The following TMTC1 variants were observed in gnomAD, a reference collection of about 807,000 sequenced individuals.
TMTC1 encodes the protein protein O-mannosyl-transferase TMTC1.
TMTC1 carries 73 observed loss-of-function variants against 104.8 expected under a neutral mutation model. That is an observed-to-expected ratio of 0.70 (90% confidence interval 0.58 to 0.85). The LOEUF is 0.85. Among genes scored for constraint, TMTC1 ranks in the 40% least tolerant of loss-of-function variants. The pLI is 0.00. For synonymous variants in TMTC1, 434 were observed against 428.7 expected (o/e 1.01, Z -0.15); for missense variants, 1,035 against 1,096.1 (o/e 0.94, Z 0.79).
intron 11 of TMTC1, chr12:29,535,289 A>G (rs1944612018): frequency 6.6e-6 from 1 of 152,228 alleles, no homozygotes; most frequent in African/African-American, 2.4e-5. Context: ...CATGCGTTAA[A>G]ATCATCCAAC....
intron 11 of TMTC1, among the ~76,000 whole-genome samples, chr12:29,527,305 C>T (rs951939430): frequency 3.3e-5 from 5 of 152,226 alleles, no homozygotes; most frequent in African/African-American, 1.2e-4. Context: ...TTAAACTTAA[C>T]ACCATGCATG....
At chr12:29,762,384 T>C (rs7976040) in intron 2 of TMTC1, among the ~76,000 whole-genome samples, 3 of 152,296 alleles carry the variant, frequency 2.0e-5, no homozygotes, top group Non-Finnish European at 4.4e-5. Context: ...CTTTCTTTTT[T>C]CTTTTTTTCA....
chr12:29,570,881 ACCC>A lies in TMTC1; in HGVS notation c.1532+1221_1532+1223del, dbSNP rs71045818. ...AAAACAAAACAAAAAAAACAGAAAC[ACCC>A]CCCCCCCCCGCCAAAACACACACAC... On this transcript the variant is annotated intron_variant, in intron 9 of 17. Transcript: ENST00000539277. Among the ~76,000 whole-genome samples, 5 of 31,310 alleles carry A rather than the reference ACCC, an allele frequency of 1.6e-4. 1 individual carries two copies. The highest frequency in any genetic ancestry group is 3.8e-4 in the African/African-American group (5 of 13,116). 20.5% of individuals were successfully genotyped at this position (31,310 alleles called of 152,430 possible).
chr12:29,602,616 C>A (rs960158639), intron 7 of TMTC1, among the ~76,000 whole-genome samples: 10 of 151,782 alleles, frequency 6.6e-5, no homozygotes, highest in Non-Finnish European at 1.5e-4. Context: ...GTGTGAATTA[C>A]TTGACATAAA....
intron 8 of TMTC1, among the ~76,000 whole-genome samples, chr12:29,575,935 G>A (rs1416066262): frequency 2.6e-5 from 4 of 152,064 alleles, no homozygotes; most frequent in Non-Finnish European, 2.9e-5. Flanking sequence ...GACAATAGCC[G>A]TCGTAACAGT....
intron 8 of TMTC1, among the ~76,000 whole-genome samples, chr12:29,575,014 C>T (rs11050295): frequency 0.19 from 28,546 of 151,862 alleles, 3,136 homozygotes; most frequent in East Asian, 0.38. Flanking sequence ...GTGATACCAA[C>T]AATTTGAAGA....
At chr12:29,641,242 T>C (rs1938835548) in intron 5 of TMTC1, 1 of 152,282 alleles carries the variant, frequency 6.6e-6, no homozygotes, top group Admixed American at 6.5e-5. Flanking sequence ...CTAGCACAGA[T>C]GAAGCTCTCT....
At chr12:29,573,997 A>G (rs1185725732) in intron 8 of TMTC1, among the ~76,000 whole-genome samples, 2 of 151,858 alleles carry the variant, frequency 1.3e-5, no homozygotes, top group Non-Finnish European at 2.9e-5. Flanking sequence ...GAAAGGGAGG[A>G]AGTGGAAAGG....
intron 5 of TMTC1, among the ~76,000 whole-genome samples, chr12:29,713,155 C>G (rs1193233126): frequency 6.6e-6 from 1 of 152,002 alleles, no homozygotes; most frequent in East Asian, 1.9e-4. Context: ...GAAATGCTGC[C>G]TGACTACCAC....
At chr12:29,649,202 CCT>C (rs1423204609) in intron 5 of TMTC1, among the ~76,000 whole-genome samples, 3 of 152,122 alleles carry the variant, frequency 2.0e-5, no homozygotes, top group African/African-American at 7.2e-5. Context: ...GTCTACTCAC[CCT>C]CTTTTACCTC....
At chr12:29,740,870 G>GT (rs1450869041) in intron 5 of TMTC1, among the ~76,000 whole-genome samples, 1 of 152,160 alleles carries the variant, frequency 6.6e-6, no homozygotes, top group Non-Finnish European at 1.5e-5. Context: ...AAATATAAAT[G>GT]TTTTGACCTT....
chr12:29,569,315 G>T (rs1167329364), intron 9 of TMTC1, among the ~76,000 whole-genome samples: 1 of 152,168 alleles, frequency 6.6e-6, no homozygotes, highest in Non-Finnish European at 1.5e-5. Context: ...GCCAAAAAGA[G>T]ACTGGTATAG....
At chr12:29,632,742 G>C (rs1938359128) in intron 6 of TMTC1, among the ~76,000 whole-genome samples, 1 of 152,112 alleles carries the variant, frequency 6.6e-6, no homozygotes, top group Non-Finnish European at 1.5e-5. Flanking sequence ...ATTTTGTACA[G>C]TTTTATACTT....
At chr12:29,553,521 A>G (rs1945159871) in intron 10 of TMTC1, among the ~76,000 whole-genome samples, 1 of 152,112 alleles carries the variant, frequency 6.6e-6, no homozygotes, top group African/African-American at 2.4e-5. Context: ...ACTTCTTAGG[A>G]GCTTGTTTTC....
intron 5 of TMTC1, among the ~76,000 whole-genome samples, chr12:29,671,830 A>C (rs781308442): frequency 4.7e-4 from 72 of 152,292 alleles, no homozygotes; most frequent in Non-Finnish European, 7.8e-4. Flanking sequence ...AAGGAAGGGA[A>C]GCTGCGGGAA....
intron 5 of TMTC1, among the ~76,000 whole-genome samples, chr12:29,709,138 C>A (rs879572615): frequency 1.3e-5 from 2 of 152,108 alleles, no homozygotes; most frequent in Admixed American, 6.5e-5. Context: ...ATAACACACT[C>A]AAAAAGCAAG....
chr12:29,517,564 G>T lies in TMTC1; in HGVS notation c.2032C>A (p.Gln678Lys). ...AATATCTCAGCTTTGTGTGCCACCT[G>T]CAGGGCGCTGAGTTTGGAGAAAATC... ...MAEEWYKRAL[Q>K]VAHKAEILSP... The change falls in exon 14 of 18, where the codon CAG becomes AAG. Residue 678 changes from glutamine (Q) to lysine (K), a missense_variant. Coordinates refer to ENST00000539277, the MANE Select transcript of TMTC1 (RefSeq NM_001193451.2). The T allele has an allele frequency of 6.2e-7, 1 of 1,614,102 alleles. No individual in the cohort carries two copies. Among genetic ancestry groups the T allele is most frequent in the East Asian group, 2.2e-5 (1 of 44,886 alleles).
chr12:29,757,054 G>C (rs1351255838), intron 3 of TMTC1, among the ~76,000 whole-genome samples: 3 of 152,098 alleles, frequency 2.0e-5, no homozygotes, highest in African/African-American at 7.2e-5. Flanking sequence ...GAATGAACAA[G>C]AAACAATTAA....
chr12:29,713,134 G>A (rs1029393559), intron 5 of TMTC1, among the ~76,000 whole-genome samples: 4 of 151,920 alleles, frequency 2.6e-5, no homozygotes, highest in African/African-American at 7.3e-5. Context: ...AGACTGCAAC[G>A]TGGAAATGTG....
Sources: allele counts gnomAD v4.1 joint callset (sites outside exome capture counted in the v4.1 genomes callset), GRCh38; gene constraint gnomAD v4.1.1; transcripts MANE v1.5; gene names NCBI Gene and HGNC (gene_info 2026-07-23, HGNC 2026-07-21).